PCDH7: variants seen among roughly 807,000 people sequenced by gnomAD.
PCDH7 encodes the protein protocadherin-7.
Under a neutral mutation model 58.9 loss-of-function variants are expected in PCDH7, and 17 were observed. That is an observed-to-expected ratio of 0.29 (90% CI 0.20 to 0.43). The LOEUF (loss-of-function observed/expected upper bound fraction) is 0.43. Among genes scored for constraint, PCDH7 ranks in the 20% least tolerant of loss-of-function variants. The probability of loss-of-function intolerance (pLI) is 1.00; values close to 1 mark genes in which losing one functional copy is unlikely to be tolerated. For missense variants in PCDH7, 1,274 were observed against 1,441.0 expected (o/e 0.88, Z 1.88); for synonymous variants, 664 against 616.4 (o/e 1.08, Z -1.14).
rs139202171 is a variant in PCDH7, at chr4:31,094,046, C to G, written c.*8-48427C>G. Reference sequence around the variant, plus strand: ...TGTCTTTGGGAACCTGCTGTAACTTCCATCTGTACAATTTCCACATCCTCA... The same window carrying G: ...TGTCTTTGGGAACCTGCTGTAACTTGCATCTGTACAATTTCCACATCCTCA... On this transcript the variant is annotated intron_variant, in intron 3 of 3. Coordinates refer to the PCDH7 transcript ENST00000509759. Among the ~76,000 whole-genome samples the G allele has an allele frequency of 4.4e-4, 67 of 152,170 alleles. 2 individuals carry two copies. Among genetic ancestry groups the G allele is most frequent in the African/African-American group, 1.6e-3 (65 of 41,534 alleles).
chr4:30,777,239 G>A (rs1722184539), intron 1 of PCDH7, among the ~76,000 whole-genome samples: 1 of 152,114 alleles, frequency 6.6e-6, no homozygotes, highest in Non-Finnish European at 1.5e-5. Flanking sequence ...TAGTGACCTG[G>A]CATGTCAGCC....
chr4:30,773,998 C>T (rs145183026), intron 1 of PCDH7, among the ~76,000 whole-genome samples: 1 of 152,164 alleles, frequency 6.6e-6, no homozygotes, highest in Non-Finnish European at 1.5e-5. Flanking sequence ...ATCTTGGTAC[C>T]ACATGCTTCT....
chr4:30,885,756 A>T (rs956606047), intron 1 of PCDH7, among the ~76,000 whole-genome samples: 1 of 152,126 alleles, frequency 6.6e-6, no homozygotes, highest in African/African-American at 2.4e-5. Context: ...ACAGCATGGT[A>T]CTGGTACCAA....
chr4:31,083,748 G>C (rs1244713572), intron 3 of PCDH7, among the ~76,000 whole-genome samples: 2 of 152,170 alleles, frequency 1.3e-5, no homozygotes, highest in Non-Finnish European at 2.9e-5. Flanking sequence ...CAGAATATCT[G>C]AGCCCTTGAC....
rs537351078 is a variant in PCDH7 at position 30,891,382 on chromosome 4, G to C, written c.71-28771G>C. The stretch of plus-strand genomic sequence containing the variant: ...AGAGATGCTGTAATTTCAGTGTTTT[G>C]TTTTTTTATACATTATGTAGAAATA... On this transcript the variant is annotated intron_variant, in intron 1 of 3. Coordinates refer to the PCDH7 transcript ENST00000509759. 1.2e-4 allele frequency among the ~76,000 whole-genome samples: 19 copies of C among 152,044 alleles called. No homozygotes were observed. The South Asian group carries it at 1.5e-3, about 12-fold the overall frequency.
chr4:30,729,782 C>T (rs1715214672), intron 1 of PCDH7, among the ~76,000 whole-genome samples: 1 of 152,006 alleles, frequency 6.6e-6, no homozygotes, highest in East Asian at 1.9e-4. Context: ...CCTTAACACA[C>T]AGTCATGCAC....
At chr4:31,110,906 C>A (rs1215316629) in intron 3 of PCDH7, among the ~76,000 whole-genome samples, 5 of 145,536 alleles carry the variant, frequency 3.4e-5, no homozygotes, top group African/African-American at 1.0e-4. Context: ...CAGAGCGAGA[C>A]TATGTCTAAA....
intron 1 of PCDH7, among the ~76,000 whole-genome samples, chr4:30,862,607 A>G (rs1214815860): frequency 6.6e-6 from 1 of 152,166 alleles, no homozygotes; most frequent in Non-Finnish European, 1.5e-5. Flanking sequence ...TCTTATGCCA[A>G]TTGCAAATAT....
chr4:30,968,378 A>ATATAGTGTG lies in PCDH7; in HGVS notation c.*7+18167_*7+18168insGTGTGTATA, dbSNP rs1749223966. The stretch of plus-strand genomic sequence containing the variant: ...CACACACTATATATATACACACACT[A>ATATAGTGTG]TATATATATATATATATATATATAT... On this transcript the variant is annotated intron_variant, in intron 3 of 3. Coordinates refer to the PCDH7 transcript ENST00000509759. 1.0e-3 allele frequency among the ~76,000 whole-genome samples: 29 copies of ATATAGTGTG among 28,064 alleles called. 1 individual carries two copies. The highest frequency in any genetic ancestry group is 6.2e-3 in the African/African-American group (27 of 4,388). 18.4% of individuals were successfully genotyped at this position (28,064 alleles called of 152,430 possible).
At chr4:30,985,636 A>C (rs1241211405) in intron 3 of PCDH7, among the ~76,000 whole-genome samples, 3 of 152,196 alleles carry the variant, frequency 2.0e-5, no homozygotes, top group Non-Finnish European at 4.4e-5. Flanking sequence ...GAAATGAAAA[A>C]ATTTGTATGA....
intron 1 of PCDH7, among the ~76,000 whole-genome samples, chr4:30,813,049 T>C (rs1436293915): frequency 6.6e-6 from 1 of 152,194 alleles, no homozygotes; most frequent in Non-Finnish European, 1.5e-5. Context: ...CTAGAACTTT[T>C]GCAGATCAAT....
chr4:30,877,463 C>G (rs919396315), intron 1 of PCDH7, among the ~76,000 whole-genome samples: 1 of 152,122 alleles, frequency 6.6e-6, no homozygotes, highest in African/African-American at 2.4e-5. Flanking sequence ...AAAGACATGC[C>G]TAAGGCAACC....
chr4:30,880,790 G>T (rs1043005143), intron 1 of PCDH7, among the ~76,000 whole-genome samples: 1 of 152,132 alleles, frequency 6.6e-6, no homozygotes, highest in South Asian at 2.1e-4. Context: ...AAGGAGAAGT[G>T]AATTATGGTA....
At chr4:30,728,549 T>A (rs1409401010) in intron 1 of PCDH7, among the ~76,000 whole-genome samples, 1 of 151,786 alleles carries the variant, frequency 6.6e-6, no homozygotes, top group Non-Finnish European at 1.5e-5. Flanking sequence ...GTGTCTTTAG[T>A]CATCTAGTAA....
At chr4:31,090,657 G>A (rs1365256083) in intron 3 of PCDH7, among the ~76,000 whole-genome samples, 1 of 151,944 alleles carries the variant, frequency 6.6e-6, no homozygotes, top group South Asian at 2.1e-4. Flanking sequence ...TATAATCTAA[G>A]GATGCCAAAA....
Position 30,723,834 on chromosome 4 carries a change from G to A in PCDH7, c.2412G>A (p.Val804=), listed in dbSNP as rs1268271093. The change falls in exon 1 of 2, where the codon GTG becomes GTA. Residue 804 remains valine (V), a synonymous_variant. Coordinates refer to ENST00000361762, the Ensembl canonical transcript of PCDH7. This position sits in a 1 kb window ranked among gnomAD's most constrained non-coding sequence, Gnocchi z 4.6. ...CCACTAGTGGTGTGGTTTCCTTAGTGGGAAAACTCACCCAAAAGCATTATG... is the reference window on the plus strand; with the variant it reads ...CCACTAGTGGTGTGGTTTCCTTAGTAGGAAAACTCACCCAAAAGCATTATG... 2.5e-6 allele frequency: 4 copies of A among 1,613,982 alleles called. No homozygotes were observed. The African/African-American group carries it at 5.3e-5, about 22-fold the overall frequency.
chr4:30,721,753 G>A lies in PCDH7; in HGVS notation c.331G>A (p.Asp111Asn), dbSNP rs1199930312. Residue 111 changes from aspartate to asparagine, a missense_variant, in exon 1 of 2, where the codon GAC becomes AAC. Physicochemically the swap from Asp to Asn is conservative, Grantham distance 23. Transcript: ENST00000361762. The surrounding 1 kb of genome is among the most constrained non-coding windows in gnomAD (Gnocchi z 6.7). ...CTTCGACGAGAACGAGTGCTTCCTGGACTTCGAGGTGTCGGTGATCGGGCC... is the reference window on the plus strand; with the variant it reads ...CTTCGACGAGAACGAGTGCTTCCTGAACTTCGAGGTGTCGGTGATCGGGCC... 6.2e-7 allele frequency: 1 copy of A among 1,613,744 alleles called. No individual in the cohort carries two copies. The highest frequency in any genetic ancestry group is 8.5e-7 in the Non-Finnish European group (1 of 1,179,986).
At chr4:30,895,409 A>G (rs898587316) in intron 1 of PCDH7, among the ~76,000 whole-genome samples, 7 of 152,190 alleles carry the variant, frequency 4.6e-5, no homozygotes, top group Non-Finnish European at 1.0e-4. Flanking sequence ...CTTAATAGAA[A>G]GCTTCTGAGC....
chr4:30,829,012 A>G (rs1393500420), intron 1 of PCDH7, among the ~76,000 whole-genome samples: 1 of 152,130 alleles, frequency 6.6e-6, no homozygotes, highest in Non-Finnish European at 1.5e-5. Context: ...AAAGTAAACT[A>G]ACATGAAGGT....
Sources: allele counts gnomAD v4.1 joint callset (sites outside exome capture counted in the v4.1 genomes callset), GRCh38; gene constraint gnomAD v4.1.1; non-coding constraint Gnocchi (gnomAD v3.1); transcripts MANE v1.5; gene names NCBI Gene and HGNC (gene_info 2026-07-23, HGNC 2026-07-21).